Variants in SYNE2 observed in about 807,000 individuals in gnomAD.
SYNE2 encodes the protein spectrin repeat containing nuclear envelope protein 2, also known as nesprin-2.
In SYNE2, 431 loss-of-function variants were observed where a neutral mutation model predicts 856.3. The ratio of observed to expected loss-of-function variants is 0.50; its 90% CI spans 0.47 to 0.55. The LOEUF is 0.55. SYNE2 is among the 20% of genes least tolerant of loss of function. The probability of loss-of-function intolerance (pLI) is 0.00; values close to 1 mark genes in which losing one functional copy is unlikely to be tolerated. For missense variants in SYNE2, 8,129 were observed against 8,023.2 expected (o/e 1.01, Z -0.50); for synonymous variants, 2,923 against 2,872.3 (o/e 1.02, Z -0.56).
Position 64,226,004 on chromosome 14 carries a change from A to C in SYNE2, c.*478A>C. ...ATTTAATACGCTTAGAATCAGTTTTACTCCAATCAGCTGGCAATTTTGAGC... is the reference window on the plus strand; with the variant it reads ...ATTTAATACGCTTAGAATCAGTTTTCCTCCAATCAGCTGGCAATTTTGAGC... On this transcript the variant is annotated 3_prime_UTR_variant, in exon 116 of 116. Coordinates refer to ENST00000555002, the MANE Select transcript of SYNE2 (RefSeq NM_182914.3). 4.4e-6 allele frequency: 1 copy of C among 225,330 alleles called. No homozygotes were observed. Among genetic ancestry groups the C allele is most frequent in the East Asian group, 1.0e-4 (1 of 10,038 alleles). The allele number at this position is 225,330 out of a possible 1,614,324, so 14.0% of individuals were successfully genotyped here.
chr14:63,792,657 GTTT>G (rs1354662846), intron 1 of SYNE2, among the ~76,000 whole-genome samples: 4 of 25,730 alleles, frequency 1.6e-4, no homozygotes, highest in African/African-American at 3.4e-4. Context: ...TTATTTATTT[GTTT>G]GTTTGTTTGT....
intron 99 of SYNE2, among the ~76,000 whole-genome samples, chr14:64,201,114 G>C (rs2098561232): frequency 6.6e-6 from 1 of 152,214 alleles, no homozygotes; most frequent in South Asian, 2.1e-4. Context: ...GAAACTCAGA[G>C]TCAGCGGTTA....
intron 7 of SYNE2, 78 bp downstream of exon 7, chr14:63,950,084 C>T: frequency 2.1e-6 from 3 of 1,457,072 alleles, no homozygotes; most frequent in Admixed American, 1.7e-5. Context: ...CCAAACACCT[C>T]CCTCACTTAA....
intron 92 of SYNE2, 34 bp from the exon 93 acceptor site, chr14:64,168,843 C>A (rs774007078): frequency 1.4e-6 from 2 of 1,399,884 alleles, no homozygotes; most frequent in African/African-American, 1.4e-5. Context: ...ATGAATTTTA[C>A]TAGCTGATAT....
intron 1 of SYNE2, among the ~76,000 whole-genome samples, chr14:63,773,600 G>A (rs1263291007): frequency 6.6e-6 from 1 of 152,102 alleles, no homozygotes; most frequent in African/African-American, 2.4e-5. Flanking sequence ...GCCCGTGCTA[G>A]AATATAGTGA....
chr14:63,881,573 TTA>T (rs1370669605), intron 1 of SYNE2, among the ~76,000 whole-genome samples: 2 of 149,298 alleles, frequency 1.3e-5, no homozygotes, highest in African/African-American at 4.9e-5. Context: ...TTATATATAC[TTA>T]TATATTTATG....
At chr14:63,762,972 G>A (rs915680491) in intron 1 of SYNE2, among the ~76,000 whole-genome samples, 4 of 151,976 alleles carry the variant, frequency 2.6e-5, no homozygotes, top group Non-Finnish European at 4.4e-5. Flanking sequence ...CAAGTTTTTC[G>A]TTTTGTTTTG....
intron 1 of SYNE2, among the ~76,000 whole-genome samples, chr14:63,894,316 A>G (rs1199984332): frequency 6.6e-6 from 1 of 151,924 alleles, no homozygotes; most frequent in Non-Finnish European, 1.5e-5. Flanking sequence ...TCCTGGGCTC[A>G]AACTGTCCTC....
At chr14:63,964,318 C>T (rs2096361391) in intron 10 of SYNE2, among the ~76,000 whole-genome samples, 1 of 152,056 alleles carries the variant, frequency 6.6e-6, no homozygotes, top group South Asian at 2.1e-4. Flanking sequence ...CAGGGGTTGG[C>T]CCATTTTGTA....
Position 64,021,521 on chromosome 14 carries a change from A to G in SYNE2, c.5352+6A>G, listed in dbSNP as rs572125775. The G allele has an allele frequency of 3.1e-6, 5 of 1,613,988 alleles. No homozygotes were observed. Among genetic ancestry groups the G allele is most frequent in the Non-Finnish European group, 4.2e-6 (5 of 1,179,952 alleles). On this transcript the variant is annotated splice_donor_region_variant and intron_variant, in intron 36 of 115. Transcript: ENST00000555002. ...AGATCTTCACTAAACTAGAGGTGCT[A>G]CCGAGCTGCTTGTCTTCTGTGGTTC...
chr14:64,026,367 C>A (rs943923136), intron 41 of SYNE2, among the ~76,000 whole-genome samples: 1 of 152,126 alleles, frequency 6.6e-6, no homozygotes, highest in Non-Finnish European at 1.5e-5. Context: ...AGCAGGAATG[C>A]AGTCAGCTCA....
chr14:64,083,601 G>A (rs1047944594), intron 57 of SYNE2, among the ~76,000 whole-genome samples: 2 of 152,272 alleles, frequency 1.3e-5, no homozygotes, highest in Non-Finnish European at 1.5e-5. Context: ...TATGTGTCCC[G>A]ATGTGTCCTA....
chr14:64,072,184 C>A (rs1200853336), intron 52 of SYNE2, among the ~76,000 whole-genome samples: 3 of 152,110 alleles, frequency 2.0e-5, no homozygotes, highest in Non-Finnish European at 4.4e-5. Context: ...GTGACTAATT[C>A]ATTGAGAAAG....
At chr14:63,954,452 G>A (rs1206829722) in intron 7 of SYNE2, among the ~76,000 whole-genome samples, 1 of 152,134 alleles carries the variant, frequency 6.6e-6, no homozygotes, top group Non-Finnish European at 1.5e-5. Flanking sequence ...TTCGGCCTGA[G>A]AATTTACATT....
At chr14:64,073,684 G>A (rs1014578359) in intron 52 of SYNE2, among the ~76,000 whole-genome samples, 3 of 152,190 alleles carry the variant, frequency 2.0e-5, no homozygotes, top group East Asian at 1.9e-4. Flanking sequence ...CAAGGATTAC[G>A]TGGAGAAAAA....
intron 1 of SYNE2, chr14:63,808,806 T>G (rs1450888478): frequency 1.1e-4 from 16 of 152,334 alleles, no homozygotes. Context: ...GCGGATCGCC[T>G]GAGGTCAGGA....
chr14:63,983,388 C>A (rs1302738976), intron 17 of SYNE2, among the ~76,000 whole-genome samples: 1 of 152,082 alleles, frequency 6.6e-6, no homozygotes, highest in Non-Finnish European at 1.5e-5. Flanking sequence ...ATTCTTGAAC[C>A]CTTTTTACTG....
intron 83 of SYNE2, 95 bp downstream of exon 83, chr14:64,144,043 A>C: frequency 2.1e-6 from 3 of 1,430,676 alleles, no homozygotes; most frequent in Non-Finnish European, 3.0e-6. Context: ...TTGACTGATT[A>C]TTAAGCCTAA....
intron 103 of SYNE2, among the ~76,000 whole-genome samples, chr14:64,211,273 C>T (rs2098639640): frequency 6.6e-6 from 1 of 152,210 alleles, no homozygotes; most frequent in Admixed American, 6.5e-5. Flanking sequence ...CCACCATGCC[C>T]GGCCTCTTGC....
Sources: gnomAD v4.1 joint callset for allele counts (sites outside exome capture counted in the v4.1 genomes callset) on GRCh38, gnomAD v4.1.1 for gene constraint, MANE v1.5 for transcripts, NCBI Gene and HGNC (gene_info 2026-07-23, HGNC 2026-07-21) for gene names.